CAMSAP1: variants seen among roughly 807,000 people sequenced by gnomAD.
CAMSAP1 encodes the protein calmodulin-regulated spectrin-associated protein 1.
CAMSAP1 carries 58 observed loss-of-function variants against 143.5 expected under a neutral mutation model. The ratio of observed to expected loss-of-function variants is 0.40; its 90% CI spans 0.33 to 0.50. The LOEUF (loss-of-function observed/expected upper bound fraction) is 0.50. CAMSAP1 is among the 20% of genes least tolerant of loss of function. The probability of loss-of-function intolerance (pLI) is 0.45; values close to 1 mark genes in which losing one functional copy is unlikely to be tolerated. For synonymous variants in CAMSAP1, 945 were observed against 859.3 expected (o/e 1.10, Z -1.74); for missense variants, 1,969 against 2,115.7 (o/e 0.93, Z 1.36).
chr9:135,897,474 T>C (rs999236451), intron 1 of CAMSAP1, among the ~76,000 whole-genome samples: 9 of 152,174 alleles, frequency 5.9e-5, no homozygotes, highest in African/African-American at 2.2e-4. Flanking sequence ...CTTACTGTAC[T>C]ATACTCACAC....
At chr9:135,847,498 T>C (rs1458189729) in intron 7 of CAMSAP1, among the ~76,000 whole-genome samples, 2 of 151,880 alleles carry the variant, frequency 1.3e-5, no homozygotes, top group Non-Finnish European at 2.9e-5. Context: ...GTGGCACATA[T>C]ACACCATGGA....
intron 3 of CAMSAP1, among the ~76,000 whole-genome samples, chr9:135,880,874 G>A (rs1018567136): frequency 3.3e-5 from 5 of 152,140 alleles, no homozygotes; most frequent in Non-Finnish European, 7.3e-5. Flanking sequence ...ACTACTAAAA[G>A]TAAACATTCT....
intron 5 of CAMSAP1, among the ~76,000 whole-genome samples, chr9:135,859,301 T>C (rs549687624): frequency 6.6e-6 from 1 of 152,356 alleles, no homozygotes; most frequent in African/African-American, 2.4e-5. Flanking sequence ...TGAAGTCCTC[T>C]ATGGCCTTAC....
chr9:135,893,275 GA>G (rs558140281), intron 1 of CAMSAP1, among the ~76,000 whole-genome samples: 8 of 122,078 alleles, frequency 6.6e-5, no homozygotes, highest in African/African-American at 1.2e-4. Flanking sequence ...AGAAAGAAAA[GA>G]AAAAAAGAAA....
chr9:135,889,601 T>C (rs1838227624), intron 1 of CAMSAP1, among the ~76,000 whole-genome samples: 2 of 152,186 alleles, frequency 1.3e-5, no homozygotes, highest in African/African-American at 4.8e-5. Context: ...GAGGAGAGGC[T>C]GGAGGGGCTG....
chr9:135,848,950 C>T (rs1417702832), intron 7 of CAMSAP1, among the ~76,000 whole-genome samples: 1 of 152,242 alleles, frequency 6.6e-6, no homozygotes, highest in South Asian at 2.1e-4. Flanking sequence ...GTAACACTCT[C>T]GCCAGCAGTG....
In CAMSAP1 at chr9:135,822,383, C is replaced by G; in HGVS notation, c.2278G>C (p.Val760Leu). 6.2e-7 allele frequency: 1 copy of G among 1,614,014 alleles called. No individual in the cohort carries two copies. Among genetic ancestry groups the G allele is most frequent in the East Asian group, 2.2e-5 (1 of 44,884 alleles). Residue 760 changes from valine (V) to leucine (L), a missense_variant, in exon 11 of 17, where the codon GTT becomes CTT. Transcript: ENST00000389532. The surrounding 1 kb of genome is among the most constrained non-coding windows in gnomAD (Gnocchi z 6.1). ...TCCTCCCCAATGTATCTGCTGAAAA[C>G]CACAGGATGGGCCTCACCCATGAAA... Reference protein sequence around the residue: ...HDFMGEAHPVVFSRYIGEEES... With the variant: ...HDFMGEAHPVLFSRYIGEEES...
At position 135,818,232 on chromosome 9, in the gene CAMSAP1, G is replaced by T; in HGVS notation, c.4169-153C>A. 9.0e-7 allele frequency: 1 copy of T among 1,105,646 alleles called. No individual in the cohort carries two copies. Among genetic ancestry groups the T allele is most frequent in the Non-Finnish European group, 1.3e-6 (1 of 780,476 alleles). 68.5% of individuals were successfully genotyped at this position (1,105,646 alleles called of 1,614,324 possible). A position where few individuals can be genotyped will look rare whatever the true frequency, so the allele number is the denominator to read the frequency against. On this transcript the variant is annotated intron_variant, in intron 13 of 16. Coordinates refer to ENST00000389532, the MANE Select transcript of CAMSAP1 (RefSeq NM_015447.4). This position sits in a 1 kb window ranked among gnomAD's most constrained non-coding sequence, Gnocchi z 7.7. ...CCGGGGAGCCGGGCTGCGCCTGGAT[G>T]TGCCGCACATCTCAGAGCATCTGGT...
At chr9:135,843,873 CAAAAAAAAAA>C (rs150201026) in intron 7 of CAMSAP1, among the ~76,000 whole-genome samples, 3 of 63,958 alleles carry the variant, frequency 4.7e-5, no homozygotes, top group African/African-American at 1.8e-4. Context: ...GACTCCGTCT[CAAAAAAAAAA>C]AAAAAAAAAA....
intron 15 of CAMSAP1, 22 bp from the exon 16 acceptor site, chr9:135,815,237 G>T: frequency 1.3e-6 from 2 of 1,527,226 alleles, no homozygotes; most frequent in South Asian, 1.2e-5. Context: ...GGCCAGGGTT[G>T]GTAAAATTAT....
chr9:135,899,375 G>A, intron 1 of CAMSAP1, among the ~76,000 whole-genome samples: 1 of 149,694 alleles, frequency 6.7e-6, no homozygotes, highest in South Asian at 2.1e-4. Flanking sequence ...GATCTCTTGA[G>A]CCCAGGAGTT....
In CAMSAP1 at chr9:135,818,208, C is replaced by G; in HGVS notation, c.4169-129G>C. 1 of 1,165,700 alleles carries G rather than the reference C, an allele frequency of 8.6e-7. No homozygotes were observed. The highest frequency in any genetic ancestry group is 1.2e-6 in the Non-Finnish European group (1 of 827,970). 72.2% of individuals were successfully genotyped at this position (1,165,700 alleles called of 1,614,324 possible). A position where few individuals can be genotyped will look rare whatever the true frequency, so the allele number is the denominator to read the frequency against. ...CACAGGCCGCGTCCCCACCCCATCC[C>G]GGGGAGCCGGGCTGCGCCTGGATGT... On this transcript the variant is annotated intron_variant, in intron 13 of 16. Coordinates refer to ENST00000389532, the MANE Select transcript of CAMSAP1 (RefSeq NM_015447.4). This position sits in a 1 kb window ranked among gnomAD's most constrained non-coding sequence, Gnocchi z 7.7.
chr9:135,841,071 C>T (rs1449456822), intron 7 of CAMSAP1, among the ~76,000 whole-genome samples: 1 of 152,194 alleles, frequency 6.6e-6, no homozygotes, highest in East Asian at 1.9e-4. Flanking sequence ...CCAACCCCCA[C>T]AGAGCCCAGG....
intron 7 of CAMSAP1, among the ~76,000 whole-genome samples, chr9:135,833,287 T>C (rs1259653882): frequency 6.6e-6 from 1 of 152,086 alleles, no homozygotes; most frequent in Non-Finnish European, 1.5e-5. Context: ...TTCACCGTTT[T>C]AGCCGGGATG....
intron 1 of CAMSAP1, among the ~76,000 whole-genome samples, chr9:135,900,167 A>G (rs1454237437): frequency 6.6e-6 from 1 of 152,042 alleles, no homozygotes; most frequent in Admixed American, 6.6e-5. Flanking sequence ...CTGGGACAAC[A>G]GGCGTGCACC....
In CAMSAP1 at chr9:135,822,490, T is replaced by G. The variant is rs753169936; in HGVS notation, c.2171A>C (p.Asn724Thr). 3.1e-6 allele frequency: 5 copies of G among 1,613,648 alleles called. No homozygotes were observed. Among genetic ancestry groups the G allele is most frequent in the South Asian group, 1.1e-5 (1 of 91,078 alleles). ...AGTCCACGGCTCTGAATCGTGGGAG[T>G]TGGGGCTTTTTGAACAACTAACATA... is the stretch of plus-strand genomic sequence containing the variant. ...RLYVSCSKSP[N>T]SHDSEPWTLL... The change falls in exon 11 of 17, where the codon AAC becomes ACC. Residue 724 changes from asparagine (N) to threonine (T), a missense_variant. Coordinates refer to ENST00000389532, the MANE Select transcript of CAMSAP1 (RefSeq NM_015447.4). The surrounding 1 kb of genome is among the most constrained non-coding windows in gnomAD (Gnocchi z 6.1).
intron 3 of CAMSAP1, among the ~76,000 whole-genome samples, chr9:135,874,940 ATAAAGT>A (rs1351990381): frequency 2.0e-5 from 3 of 152,236 alleles, no homozygotes; most frequent in Non-Finnish European, 4.4e-5. Flanking sequence ...AAGATACAGA[ATAAAGT>A]TAAACTATAT....
At chr9:135,871,347 C>T (rs1411697162) in intron 3 of CAMSAP1, among the ~76,000 whole-genome samples, 3 of 151,988 alleles carry the variant, frequency 2.0e-5, no homozygotes, top group Admixed American at 1.3e-4. Flanking sequence ...CACCACCATG[C>T]TTGGCTAATT....
At position 135,882,933 on chromosome 9, in the gene CAMSAP1, G is replaced by A. The variant is rs752454323; in HGVS notation, c.306C>T (p.Ala102=). Residue 102 remains alanine, a synonymous_variant, in exon 2 of 17, where the codon GCC becomes GCT. Coordinates refer to ENST00000389532, the MANE Select transcript of CAMSAP1 (RefSeq NM_015447.4). The surrounding 1 kb of genome is among the most constrained non-coding windows in gnomAD (Gnocchi z 4.9). The part of the protein sequence containing the change: ...CSLILKGDQV[A]ALQGHQSVIQ... ...TGACAGACTGGTGTCCCTGTAAGGC[G>A]GCCACCTGGTCCCCTTTCAGGATGA... 41 of 1,551,630 alleles carry A rather than the reference G, an allele frequency of 2.6e-5. No homozygotes were observed. The highest frequency in any genetic ancestry group is 3.0e-5 in the Non-Finnish European group (34 of 1,147,026).
Sources: allele counts gnomAD v4.1 joint callset (sites outside exome capture counted in the v4.1 genomes callset), GRCh38; gene constraint gnomAD v4.1.1; non-coding constraint Gnocchi (gnomAD v3.1); transcripts MANE v1.5; gene names NCBI Gene and HGNC (gene_info 2026-07-23, HGNC 2026-07-21).